RBMS3: variants seen among roughly 807,000 people sequenced by gnomAD.
RBMS3 encodes RNA-binding motif, single-stranded-interacting protein 3.
RBMS3 carries 27 observed loss-of-function variants against 66.8 expected under a neutral mutation model. The ratio of observed to expected loss-of-function variants is 0.40; its 90% CI spans 0.30 to 0.56. The LOEUF (loss-of-function observed/expected upper bound fraction) is 0.56, where lower values mean the gene tolerates loss of function less well. Among genes scored for constraint, RBMS3 ranks in the 20% least tolerant of loss-of-function variants. The pLI is 0.40. For synonymous variants in RBMS3, 188 were observed against 183.0 expected (o/e 1.03, Z -0.22); for missense variants, 513 against 549.5 (o/e 0.93, Z 0.66).
chr3:29,837,504 G>T (rs759227308), intron 6 of RBMS3, among the ~76,000 whole-genome samples: 5 of 150,992 alleles, frequency 3.3e-5, no homozygotes, highest in Non-Finnish European at 7.4e-5. Context: ...CATAAGCTAG[G>T]AATCAATATC....
chr3:29,766,269 A>G (rs999653764), intron 6 of RBMS3: 1 of 151,926 alleles, frequency 6.6e-6, no homozygotes, highest in African/African-American at 2.4e-5. Context: ...AAAGCTAATT[A>G]TTTTCCTGAG....
chr3:29,382,593 C>T (rs188823926), intron 1 of RBMS3, among the ~76,000 whole-genome samples: 4 of 152,330 alleles, frequency 2.6e-5, no homozygotes, highest in Admixed American at 1.3e-4. Context: ...AGCACTGCAA[C>T]TCACACTGCT....
intron 2 of RBMS3, among the ~76,000 whole-genome samples, chr3:29,451,311 G>A (rs1448095695): frequency 6.6e-6 from 1 of 152,182 alleles, no homozygotes. Flanking sequence ...TTGAAAGGGT[G>A]TAGGTGATGG....
chr3:29,702,801 G>A (rs543752118), intron 4 of RBMS3, among the ~76,000 whole-genome samples: 15 of 152,232 alleles, frequency 9.9e-5, no homozygotes, highest in Admixed American at 2.6e-4. Flanking sequence ...AAGAAACTCC[G>A]AACACGTCCG....
chr3:29,527,991 T>G (rs972635875), intron 3 of RBMS3, among the ~76,000 whole-genome samples: 1 of 152,064 alleles, frequency 6.6e-6, no homozygotes, highest in Admixed American at 6.5e-5. Flanking sequence ...GTGTATTTTT[T>G]TTACCCTCAA....
chr3:29,583,932 C>T lies in RBMS3; in HGVS notation c.308-3182C>T, dbSNP rs199753473. 6.6e-5 allele frequency among the ~76,000 whole-genome samples: 10 copies of T among 152,150 alleles called. No individual in the cohort carries two copies. In the East Asian group the frequency reaches 1.9e-3, roughly 29 times the overall value. ...ACACACACAGACAACCATAGCATCT[C>T]CTATCTTAAAGCAAACAAACAGAAA... is the stretch of plus-strand genomic sequence containing the variant. On this transcript the variant is annotated intron_variant, in intron 3 of 14. Transcript: ENST00000383767.
At chr3:29,648,264 T>TTTTTTTTTTTTTTTTTTTTTTTTTTTC (rs2050016524) in intron 4 of RBMS3, among the ~76,000 whole-genome samples, 1 of 82,932 alleles carries the variant, frequency 1.2e-5, no homozygotes, top group Non-Finnish European at 2.2e-5. Flanking sequence ...AAAATGTCTA[T>TTTTTTTTTTTTTTTTTTTTTTTTTTTC]TTTTTTTTTT....
intron 2 of RBMS3, among the ~76,000 whole-genome samples, chr3:29,440,835 T>G (rs17666612): frequency 0.35 from 53,557 of 152,036 alleles, 10,229 homozygotes; most frequent in South Asian, 0.46. Flanking sequence ...TCAGACAGTT[T>G]TGACAAATGC....
In RBMS3 at chr3:29,858,407, G is replaced by A. The variant is rs78460074; in HGVS notation, c.638-10451G>A. ...CCAAGGAGGAGGGAGGAATGAGGCA[G>A]GATCAGAAACAGTTCATCCTGGTCA... On this transcript the variant is annotated intron_variant, in intron 6 of 14. Coordinates refer to ENST00000383767, the MANE Select transcript of RBMS3 (RefSeq NM_001003793.3). Among the ~76,000 whole-genome samples the A allele has an allele frequency of 7.2e-3, 1,103 of 152,296 alleles. 10 individuals carry two copies. Among genetic ancestry groups the A allele is most frequent in the African/African-American group, 0.024 (991 of 41,564 alleles).
At chr3:29,936,002 C>A (rs2061256092) in intron 10 of RBMS3, 84 bp from the exon 11 acceptor site, 3 of 1,116,358 alleles carry the variant, frequency 2.7e-6, no homozygotes, top group East Asian at 2.6e-5. Flanking sequence ...GATGTTCACA[C>A]ATTTACAATT....
chr3:29,941,647 T>G (rs887781141), intron 11 of RBMS3, among the ~76,000 whole-genome samples: 3 of 151,752 alleles, frequency 2.0e-5, no homozygotes. Context: ...AATATTACAC[T>G]TTTGTTGTTT....
intron 10 of RBMS3, among the ~76,000 whole-genome samples, chr3:29,931,660 T>C (rs942537671): frequency 2.0e-5 from 2 of 102,320 alleles, no homozygotes; most frequent in Non-Finnish European, 4.4e-5. Context: ...AACAAAACAG[T>C]TGACATCAAC....
intron 4 of RBMS3, among the ~76,000 whole-genome samples, chr3:29,624,421 T>C (rs956974257): frequency 6.6e-6 from 1 of 152,180 alleles, no homozygotes; most frequent in Non-Finnish European, 1.5e-5. Flanking sequence ...TCCATCCATA[T>C]TCAGTTTGGA....
At chr3:29,359,378 T>C (rs1445089578) in intron 1 of RBMS3, among the ~76,000 whole-genome samples, 4 of 152,240 alleles carry the variant, frequency 2.6e-5, no homozygotes, top group Non-Finnish European at 4.4e-5. Context: ...GAACCAGCCT[T>C]GCATCCCAGG....
At chr3:29,518,150 C>T (rs1466345042) in intron 3 of RBMS3, among the ~76,000 whole-genome samples, 3 of 152,132 alleles carry the variant, frequency 2.0e-5, no homozygotes. Context: ...CCATTAGGTG[C>T]CTGATACTGT....
At chr3:29,514,648 C>CAT (rs1491498729) in intron 3 of RBMS3, among the ~76,000 whole-genome samples, 7 of 47,952 alleles carry the variant, frequency 1.5e-4, no homozygotes, top group African/African-American at 1.4e-3. Flanking sequence ...GTGTGATAGG[C>CAT]ACATATATAT....
chr3:29,369,168 G>A (rs1462697884), intron 1 of RBMS3, among the ~76,000 whole-genome samples: 4 of 152,056 alleles, frequency 2.6e-5, no homozygotes, highest in Admixed American at 2.6e-4. Flanking sequence ...CTTGAGAGTG[G>A]AGGGTCAGAG....
chr3:29,380,550 T>G (rs2038714773), intron 1 of RBMS3, among the ~76,000 whole-genome samples: 1 of 152,188 alleles, frequency 6.6e-6, no homozygotes, highest in African/African-American at 2.4e-5. Flanking sequence ...AACAAGCCTG[T>G]GAGGTAAGTA....
At chr3:29,496,617 A>G (rs1203638374) in intron 3 of RBMS3, among the ~76,000 whole-genome samples, 1 of 152,178 alleles carries the variant, frequency 6.6e-6, no homozygotes, top group Non-Finnish European at 1.5e-5. Context: ...GTTGTCTACA[A>G]CCCAACCAGA....
Sources: gnomAD v4.1 joint callset for allele counts (sites outside exome capture counted in the v4.1 genomes callset) on GRCh38, gnomAD v4.1.1 for gene constraint, MANE v1.5 for transcripts, NCBI Gene and HGNC (gene_info 2026-07-23, HGNC 2026-07-21) for gene names.